ST3GAL1: variants seen among roughly 807,000 people sequenced by gnomAD.
ST3GAL1 encodes CMP-N-acetylneuraminate-beta-galactosamide-alpha-2,3-sialyltransferase 1.
ST3GAL1 carries 16 observed loss-of-function variants against 34.1 expected under a neutral mutation model. The observed-to-expected ratio is 0.47, with a 90% confidence interval of 0.32 to 0.71. The LOEUF (loss-of-function observed/expected upper bound fraction) is 0.71, where lower values mean the gene tolerates loss of function less well. ST3GAL1 is among the 30% of genes least tolerant of loss of function. ST3GAL1 has a pLI of 0.04. For missense variants in ST3GAL1, 353 were observed against 447.4 expected, an observed-to-expected ratio of 0.79 and a Z score of 1.90; for synonymous variants, 191 against 184.7, an observed-to-expected ratio of 1.03 and a Z score of -0.28.
At chr8:133,520,798 G>C (rs1246489751) in intron 2 of ST3GAL1, among the ~76,000 whole-genome samples, 1 of 139,162 alleles carries the variant, frequency 7.2e-6, no homozygotes, top group African/African-American at 2.7e-5. Context: ...TTTTGACAGA[G>C]TCTCACTTTG....
At chr8:133,516,960 C>T (rs963759740) in intron 2 of ST3GAL1, among the ~76,000 whole-genome samples, 3 of 152,236 alleles carry the variant, frequency 2.0e-5, no homozygotes, top group Non-Finnish European at 2.9e-5. Context: ...TCTGTACCTT[C>T]AGGGTGAACA....
Position 133,476,268 on chromosome 8 carries a change from A to T in ST3GAL1, c.-51+10T>A. 2.2e-6 allele frequency: 1 copy of T among 451,592 alleles called. No homozygotes were observed. Among genetic ancestry groups the T allele is most frequent in the Non-Finnish European group, 3.9e-6 (1 of 256,194 alleles). The allele number at this position is 451,592 out of a possible 1,614,324, so 28.0% of individuals were successfully genotyped here. ...TTCGTGGCATGTTGGCTTTGCTTGC[A>T]TATATTTACCTTTTCAGAAAATAAA... On this transcript the variant is annotated intron_variant, in intron 4 of 9. Transcript: ENST00000522652.
chr8:133,509,412 C>CT (rs1242042966), intron 2 of ST3GAL1, among the ~76,000 whole-genome samples: 4 of 152,244 alleles, frequency 2.6e-5, no homozygotes, highest in Non-Finnish European at 5.9e-5. Context: ...ACGGGAGACT[C>CT]TGAGTTAGCT....
rs1265159138 is a variant in ST3GAL1, at chr8:133,571,373, T to C, written c.-582+320A>G. ...ACTTGGCGTAGGTTCCCCACAGAGC[T>C]CCAGGCAGCTCCTCCAGTGTCGGCC... On this transcript the variant is annotated intron_variant, in intron 1 of 9. Transcript: ENST00000522652. This position sits in a 1 kb window ranked among gnomAD's most constrained non-coding sequence, Gnocchi z 6.7. Among the ~76,000 whole-genome samples, 1 of 152,050 alleles carries C rather than the reference T, an allele frequency of 6.6e-6. No individual in the cohort carries two copies. The highest frequency in any genetic ancestry group is 6.5e-5 in the Admixed American group (1 of 15,274).
At chr8:133,562,843 T>TTCC (rs1819281584) in intron 1 of ST3GAL1, among the ~76,000 whole-genome samples, 1 of 91,788 alleles carries the variant, frequency 1.1e-5, no homozygotes, top group Non-Finnish European at 2.3e-5. Flanking sequence ...CCTTCCTTCC[T>TTCC]TTCTTTCTTT....
At chr8:133,565,840 C>A (rs1479558384) in intron 1 of ST3GAL1, among the ~76,000 whole-genome samples, 1 of 141,018 alleles carries the variant, frequency 7.1e-6, no homozygotes, top group Non-Finnish European at 1.5e-5. Flanking sequence ...TGGGCCAGGG[C>A]CAGGGCCAGG....
chr8:133,503,097 A>G (rs966451291), intron 2 of ST3GAL1, among the ~76,000 whole-genome samples: 1 of 152,366 alleles, frequency 6.6e-6, no homozygotes, highest in East Asian at 1.9e-4. Context: ...TTGCTGAGCC[A>G]CAGCTGACCT....
In ST3GAL1 at chr8:133,469,547, G is replaced by A. The variant is rs1172765868; in HGVS notation, c.307-3457C>T. On this transcript the variant is annotated intron_variant, in intron 5 of 9. Coordinates refer to ENST00000522652, the MANE Select transcript of ST3GAL1 (RefSeq NM_173344.3). The surrounding 1 kb of genome is among the most constrained non-coding windows in gnomAD (Gnocchi z 4.3). ...TAATAAAAATAAACTTATTAGAAAG[G>A]AAACCTCTCATCTCTACCACACGTA... is the stretch of plus-strand genomic sequence containing the variant. Among the ~76,000 whole-genome samples the A allele has an allele frequency of 1.3e-5, 2 of 152,134 alleles. No individual in the cohort carries two copies. Among genetic ancestry groups the A allele is most frequent in the Non-Finnish European group, 2.9e-5 (2 of 68,016 alleles).
rs191521667 is a variant in ST3GAL1, at chr8:133,533,299, T to C, written c.-429+12475A>G. Among the ~76,000 whole-genome samples, 137 of 152,304 alleles carry C rather than the reference T, an allele frequency of 9.0e-4. 1 individual carries two copies. Among genetic ancestry groups the C allele is most frequent in the Non-Finnish European group, 1.7e-3 (116 of 68,030 alleles). On this transcript the variant is annotated intron_variant, in intron 2 of 9. Coordinates refer to ENST00000522652, the MANE Select transcript of ST3GAL1 (RefSeq NM_173344.3). ...GACACCCAGGATCTCATGATCCTTG[T>C]CTGTGCTATTTTTCCCCGTGAATTA... is the stretch of plus-strand genomic sequence containing the variant.
At chr8:133,538,889 C>T (rs538697191) in intron 2 of ST3GAL1, among the ~76,000 whole-genome samples, 2 of 151,284 alleles carry the variant, frequency 1.3e-5, no homozygotes, top group South Asian at 2.1e-4. Context: ...GCCTTCACAG[C>T]GCAGCCCCCC....
intron 5 of ST3GAL1, among the ~76,000 whole-genome samples, chr8:133,471,371 CGGT>C (rs1730837587): frequency 6.6e-6 from 1 of 152,154 alleles, no homozygotes; most frequent in Admixed American, 6.5e-5. Context: ...CCGGGACAGG[CGGT>C]GCTTAGAAAT....
intron 2 of ST3GAL1, among the ~76,000 whole-genome samples, chr8:133,515,354 A>G (rs2131018249): frequency 6.6e-6 from 1 of 152,246 alleles, no homozygotes; most frequent in Middle Eastern, 3.4e-3. Context: ...TCTCACCTTA[A>G]AATGTGATCC....
intron 1 of ST3GAL1, among the ~76,000 whole-genome samples, chr8:133,555,212 G>T (rs1818974640): frequency 6.6e-6 from 1 of 152,222 alleles, no homozygotes; most frequent in African/African-American, 2.4e-5. Flanking sequence ...GTCTCAGCCT[G>T]GCCGGGCTTT....
At chr8:133,518,206 C>A (rs1817699989) in intron 2 of ST3GAL1, among the ~76,000 whole-genome samples, 1 of 152,188 alleles carries the variant, frequency 6.6e-6, no homozygotes, top group Non-Finnish European at 1.5e-5. Context: ...GAGGGCTGAC[C>A]AGCTTGAGGG....
chr8:133,570,804 C>T lies in ST3GAL1; in HGVS notation c.-582+889G>A, dbSNP rs527788012. ...CGCCTCGCCCCAGGGTCACCGCTGT[C>T]CGTCCCCGTGCGCTCCCAGAAGGGG... is the stretch of plus-strand genomic sequence containing the variant. On this transcript the variant is annotated intron_variant, in intron 1 of 9. Coordinates refer to ENST00000522652, the MANE Select transcript of ST3GAL1 (RefSeq NM_173344.3). This position sits in a 1 kb window ranked among gnomAD's most constrained non-coding sequence, Gnocchi z 5.6. Among the ~76,000 whole-genome samples, 55 of 152,368 alleles carry T rather than the reference C, an allele frequency of 3.6e-4. No individual in the cohort carries two copies. Among genetic ancestry groups the T allele is most frequent in the Non-Finnish European group, 6.0e-4 (41 of 68,034 alleles).
intron 3 of ST3GAL1, among the ~76,000 whole-genome samples, chr8:133,485,895 C>T (rs1160352260): frequency 2.0e-5 from 3 of 152,150 alleles, no homozygotes; most frequent in African/African-American, 7.2e-5. Flanking sequence ...GCCTCAAGTT[C>T]CTCATCCATA....
rs1054488174 is a variant in ST3GAL1 at position 133,524,630 on chromosome 8, A to G, written c.-429+21144T>C. 1.1e-4 allele frequency among the ~76,000 whole-genome samples: 16 copies of G among 152,268 alleles called. 1 individual carries two copies. The highest frequency in any genetic ancestry group is 3.9e-4 in the African/African-American group (16 of 41,478). ...AAGGGGTGTGTGGGTGAGCTAGCAC[A>G]GGGTCCAGCCACTGTGCACAGCCAG... is the stretch of plus-strand genomic sequence containing the variant. On this transcript the variant is annotated intron_variant, in intron 2 of 9. Transcript: ENST00000522652.
intron 5 of ST3GAL1, 43 bp downstream of exon 5, chr8:133,475,676 C>G: frequency 6.6e-7 from 1 of 1,520,668 alleles, no homozygotes. Context: ...TCAGTCCACA[C>G]CCCAACTCTC....
intron 2 of ST3GAL1, among the ~76,000 whole-genome samples, chr8:133,540,956 C>CATATATAGACATATGTATAGACAT (rs1554618796): frequency 1.3e-5 from 1 of 76,748 alleles, no homozygotes; most frequent in Admixed American, 1.3e-4. Context: ...TATATATAGA[C>CATATATAGACATATGTATAGACAT]ATATATATAG....
Sources: gnomAD v4.1 joint callset for allele counts (sites outside exome capture counted in the v4.1 genomes callset) on GRCh38, gnomAD v4.1.1 for gene constraint, Gnocchi (gnomAD v3.1) non-coding constraint, MANE v1.5 for transcripts, NCBI Gene and HGNC (gene_info 2026-07-23, HGNC 2026-07-21) for gene names.